Variants in RBFOX1 observed in about 807,000 individuals in gnomAD.
The protein encoded by RBFOX1 is RNA binding fox-1 homolog 1.
A neutral mutation model predicts 57.7 loss-of-function variants in RBFOX1; 8 were observed. The ratio of observed to expected loss-of-function variants is 0.14; its 90% CI spans 0.08 to 0.25. The LOEUF (loss-of-function observed/expected upper bound fraction) is 0.25. Ranked by LOEUF, RBFOX1 falls within the 10% of genes least tolerant of loss-of-function variation. RBFOX1 has a pLI of 1.00. For missense variants in RBFOX1, 611 were observed against 548.5 expected, an observed-to-expected ratio of 1.11 and a Z score of -1.14; for synonymous variants, 326 against 222.4, an observed-to-expected ratio of 1.47 and a Z score of -4.15.
At chr16:6,889,945 T>C (rs779094374) in intron 3 of RBFOX1, among the ~76,000 whole-genome samples, 2 of 152,226 alleles carry the variant, frequency 1.3e-5, no homozygotes, top group Non-Finnish European at 1.5e-5. Flanking sequence ...CGTATTTCAG[T>C]GGTTACCTGT....
intron 1 of RBFOX1, among the ~76,000 whole-genome samples, chr16:6,127,033 G>T (rs983702721): frequency 6.6e-6 from 1 of 152,160 alleles, no homozygotes; most frequent in Non-Finnish European, 1.5e-5. Context: ...TTCCACTAAG[G>T]CTTAGAGAGG....
At chr16:6,419,279 G>C (rs9940924) in intron 2 of RBFOX1, among the ~76,000 whole-genome samples, 74,814 of 151,896 alleles carry the variant, frequency 0.49, 18,944 homozygotes, top group East Asian at 0.58. Context: ...TCGTATTGCA[G>C]AGTCATTACT....
At chr16:5,870,564 C>T (rs28652650) in intron 4 of RBFOX1, among the ~76,000 whole-genome samples, 3,365 of 151,780 alleles carry the variant, frequency 0.022, 69 homozygotes, top group African/African-American at 0.05. Flanking sequence ...GTCTTCCTTC[C>T]TTCATTCTTT....
intron 4 of RBFOX1, among the ~76,000 whole-genome samples, chr16:5,884,985 A>G (rs1020399342): frequency 6.6e-6 from 1 of 152,146 alleles, no homozygotes; most frequent in Non-Finnish European, 1.5e-5. Flanking sequence ...AGGTAGGGGA[A>G]CCTAGAACCA....
intron 3 of RBFOX1, among the ~76,000 whole-genome samples, chr16:5,670,182 G>A (rs934822997): frequency 6.6e-6 from 1 of 152,078 alleles, no homozygotes; most frequent in African/African-American, 2.4e-5. Context: ...GGGGCTGGGG[G>A]AGGGGTTTTG....
intron 2 of RBFOX1, among the ~76,000 whole-genome samples, chr16:6,592,305 A>G (rs959847072): frequency 1.3e-5 from 2 of 152,214 alleles, no homozygotes; most frequent in African/African-American, 4.8e-5. Flanking sequence ...TTCCTCCATG[A>G]TGGATATTAT....
chr16:6,476,695 T>A (rs970315549), intron 2 of RBFOX1, among the ~76,000 whole-genome samples: 2 of 152,188 alleles, frequency 1.3e-5, no homozygotes, highest in African/African-American at 4.8e-5. Context: ...TTGGGGTGAC[T>A]GTGGCAATCT....
At chr16:7,558,523 T>C in intron 5 of RBFOX1, among the ~76,000 whole-genome samples, 1 of 152,112 alleles carries the variant, frequency 6.6e-6, no homozygotes, top group East Asian at 1.9e-4. Context: ...ATATACAACA[T>C]ATATTAATAT....
chr16:7,071,347 G>A (rs943543579), intron 4 of RBFOX1, among the ~76,000 whole-genome samples: 2 of 152,066 alleles, frequency 1.3e-5, no homozygotes, highest in African/African-American at 2.4e-5. Flanking sequence ...AAGAAAATGC[G>A]ATTTGTTAGT....
At chr16:7,431,709 C>T (rs958765718) in intron 4 of RBFOX1, among the ~76,000 whole-genome samples, 3 of 152,174 alleles carry the variant, frequency 2.0e-5, no homozygotes, top group Admixed American at 2.0e-4. Context: ...TCCATTCTGT[C>T]CTCTCCTTAG....
chr16:5,436,495 C>G (rs751900919), intron 1 of RBFOX1, among the ~76,000 whole-genome samples: 2 of 152,210 alleles, frequency 1.3e-5, no homozygotes, highest in Non-Finnish European at 2.9e-5. Context: ...AGGGAATCCT[C>G]AGAACTCGTC....
At chr16:7,405,622 A>T (rs969488142) in intron 4 of RBFOX1, among the ~76,000 whole-genome samples, 4 of 152,084 alleles carry the variant, frequency 2.6e-5, no homozygotes, top group African/African-American at 7.2e-5. Context: ...CTGCTCACAC[A>T]TTGTTATATT....
rs140267817 is a variant in RBFOX1 at position 5,992,893 on chromosome 16, T to G, written c.351+125558T>G. Among the ~76,000 whole-genome samples, 900 of 152,210 alleles carry G rather than the reference T, an allele frequency of 5.9e-3. 10 individuals are homozygous for G. The highest frequency in any genetic ancestry group is 0.02 in the African/African-American group (844 of 41,526). On this transcript the variant is annotated intron_variant, in intron 4 of 19. Coordinates refer to the RBFOX1 transcript ENST00000641259. ...AAGAGGTTGCAGTGAGCCAAGATCA[T>G]GCCATTGCACTCCAGCCTGGGTGTC...
At chr16:5,703,018 A>G (rs943042839) in intron 3 of RBFOX1, among the ~76,000 whole-genome samples, 1 of 152,186 alleles carries the variant, frequency 6.6e-6, no homozygotes, top group Non-Finnish European at 1.5e-5. Flanking sequence ...CCATTGTGTC[A>G]TCTGGTAAAT....
chr16:6,432,927 G>A (rs548743663), intron 2 of RBFOX1, among the ~76,000 whole-genome samples: 24 of 152,278 alleles, frequency 1.6e-4, no homozygotes, highest in African/African-American at 4.1e-4. Context: ...GCACTGAGCC[G>A]AGATTGCACC....
chr16:6,530,971 C>T (rs1048941214), intron 2 of RBFOX1, among the ~76,000 whole-genome samples: 1 of 152,162 alleles, frequency 6.6e-6, no homozygotes, highest in Non-Finnish European at 1.5e-5. Context: ...CCCCAATCAC[C>T]TCCCTTCCTG....
At chr16:7,246,021 C>T (rs950730350) in intron 4 of RBFOX1, among the ~76,000 whole-genome samples, 2 of 152,196 alleles carry the variant, frequency 1.3e-5, no homozygotes, top group Non-Finnish European at 2.9e-5. Context: ...AAGTGTGGCA[C>T]AAATTATCAC....
chr16:6,746,772 T>C (rs1179510568), intron 3 of RBFOX1, among the ~76,000 whole-genome samples: 1 of 152,144 alleles, frequency 6.6e-6, no homozygotes, highest in Non-Finnish European at 1.5e-5. Context: ...TTGATACATA[T>C]AATCAATACT....
At chr16:7,210,206 G>A (rs1321048747) in intron 4 of RBFOX1, among the ~76,000 whole-genome samples, 1 of 152,166 alleles carries the variant, frequency 6.6e-6, no homozygotes, top group Non-Finnish European at 1.5e-5. Context: ...ACAACCAATA[G>A]GATACTTCTA....
Sources: gnomAD v4.1 joint callset for allele counts (sites outside exome capture counted in the v4.1 genomes callset) on GRCh38, gnomAD v4.1.1 for gene constraint, MANE v1.5 for transcripts, NCBI Gene and HGNC (gene_info 2026-07-23, HGNC 2026-07-21) for gene names.